The following ELAPOR2 variants were observed in gnomAD, a reference collection of about 807,000 sequenced individuals.
The protein encoded by ELAPOR2 is endosome-lysosome associated apoptosis and autophagy regulator family member 2.
In ELAPOR2, 89 loss-of-function variants were observed where a neutral mutation model predicts 120.7. The observed-to-expected ratio is 0.74, with a 90% CI of 0.62 to 0.88. The LOEUF is 0.88. Ranked by LOEUF, ELAPOR2 falls within the 40% of genes least tolerant of loss-of-function variation. The pLI is 0.00. For missense variants in ELAPOR2, 1,134 were observed against 1,251.6 expected (o/e 0.91, Z 1.42); for synonymous variants, 444 against 444.9 (o/e 1.00, Z 0.03).
At chr7:86,907,138 T>A in intron 18 of ELAPOR2, among the ~76,000 whole-genome samples, 1 of 152,138 alleles carries the variant, frequency 6.6e-6, no homozygotes, top group Non-Finnish European at 1.5e-5. Context: ...GCACATTATG[T>A]ATTTTATAAG....
chr7:86,942,825 C>G (rs1367480360), intron 4 of ELAPOR2, among the ~76,000 whole-genome samples: 1 of 151,984 alleles, frequency 6.6e-6, no homozygotes, highest in East Asian at 1.9e-4. Flanking sequence ...TGCAAAACAG[C>G]AACAGAGTAG....
chr7:86,892,017 T>C, intron 20 of ELAPOR2, 128 bp from the exon 21 acceptor site: 1 of 594,496 alleles, frequency 1.7e-6, no homozygotes, highest in Non-Finnish European at 2.9e-6. Context: ...ACCAACAAAT[T>C]TCCCTAGCCT....
chr7:87,003,690 C>T (rs1047500130), intron 1 of ELAPOR2, among the ~76,000 whole-genome samples: 19 of 152,192 alleles, frequency 1.2e-4, no homozygotes, highest in African/African-American at 4.3e-4. Flanking sequence ...TGAGAACGAG[C>T]TAATACAACT....
At chr7:86,905,180 GAA>G (rs1321893847) in intron 18 of ELAPOR2, among the ~76,000 whole-genome samples, 28 of 146,558 alleles carry the variant, frequency 1.9e-4, no homozygotes, top group East Asian at 1.8e-3. Flanking sequence ...AAGAAAGAGA[GAA>G]AGAGAGAGAG....
At chr7:87,002,325 G>C (rs754791793) in intron 1 of ELAPOR2, among the ~76,000 whole-genome samples, 1 of 152,170 alleles carries the variant, frequency 6.6e-6, no homozygotes, top group Non-Finnish European at 1.5e-5. Flanking sequence ...GTTGAGGAGA[G>C]CAAGGAGAAA....
intron 1 of ELAPOR2, among the ~76,000 whole-genome samples, chr7:87,026,959 T>C (rs143285930): frequency 2.0e-5 from 3 of 152,256 alleles, no homozygotes; most frequent in African/African-American, 7.2e-5. Flanking sequence ...TACACCTAGA[T>C]ATACAAATAT....
At chr7:87,032,340 CACTT>C (rs1019684750) in intron 1 of ELAPOR2, among the ~76,000 whole-genome samples, 13 of 152,094 alleles carry the variant, frequency 8.5e-5, no homozygotes, top group African/African-American at 1.7e-4. Flanking sequence ...ATCTGTAAAA[CACTT>C]ACAGCAATGC....
chr7:87,014,842 G>A (rs567380749), intron 1 of ELAPOR2, among the ~76,000 whole-genome samples: 81 of 152,134 alleles, frequency 5.3e-4, no homozygotes, highest in African/African-American at 1.8e-3. Context: ...TGCTATGGGA[G>A]GAAGTTTTTG....
rs140056819 is a variant in ELAPOR2 at position 87,028,444 on chromosome 7, G to A, written c.189+30881C>T. 9.2e-5 allele frequency among the ~76,000 whole-genome samples: 14 copies of A among 152,134 alleles called. No homozygotes were observed. The East Asian group carries it at 2.7e-3, about 29-fold the overall frequency. On this transcript the variant is annotated intron_variant, in intron 1 of 21. Coordinates refer to ENST00000450689, the MANE Select transcript of ELAPOR2 (RefSeq NM_001142749.3). ...ACTCTCCTGATGTGCCCTAGCACTTGGTCCTTGACTACTTCTTTTTAGCTA... is the reference window on the plus strand; with the variant it reads ...ACTCTCCTGATGTGCCCTAGCACTTAGTCCTTGACTACTTCTTTTTAGCTA...
intron 1 of ELAPOR2, among the ~76,000 whole-genome samples, 189 bp from the exon 2 acceptor site, chr7:86,965,213 G>A (rs572516189): frequency 6.6e-6 from 1 of 152,178 alleles, no homozygotes; most frequent in Non-Finnish European, 1.5e-5. Flanking sequence ...AGTAGGTGCT[G>A]AGGAGATGAT....
intron 1 of ELAPOR2, among the ~76,000 whole-genome samples, chr7:87,048,222 G>A (rs191105617): frequency 0.011 from 1,642 of 150,642 alleles, 16 homozygotes; most frequent in Admixed American, 0.017. Context: ...CCAGCCTGGC[G>A]ACAGAGTGAG....
chr7:86,994,406 A>G (rs1038117435), intron 1 of ELAPOR2, among the ~76,000 whole-genome samples: 3 of 152,212 alleles, frequency 2.0e-5, no homozygotes, highest in African/African-American at 7.2e-5. Flanking sequence ...AGTAATGTAT[A>G]AGATCATCAT....
At chr7:87,037,102 G>A (rs1794612781) in intron 1 of ELAPOR2, among the ~76,000 whole-genome samples, 2 of 151,816 alleles carry the variant, frequency 1.3e-5, no homozygotes, top group African/African-American at 4.8e-5. Flanking sequence ...TTCTCACTCT[G>A]CTTGCTTCTT....
chr7:87,011,052 G>A (rs1793641074), intron 1 of ELAPOR2, among the ~76,000 whole-genome samples: 1 of 151,944 alleles, frequency 6.6e-6, no homozygotes, highest in Non-Finnish European at 1.5e-5. Flanking sequence ...CGGGTCATGA[G>A]GTCAAGAGAT....
intron 17 of ELAPOR2, among the ~76,000 whole-genome samples, chr7:86,908,079 T>G (rs1457561627): frequency 6.6e-6 from 1 of 151,708 alleles, no homozygotes; most frequent in Non-Finnish European, 1.5e-5. Context: ...GCCAATGCTT[T>G]GATATATGAA....
At chr7:86,965,581 G>T (rs527460579) in intron 1 of ELAPOR2, among the ~76,000 whole-genome samples, 1 of 152,192 alleles carries the variant, frequency 6.6e-6, no homozygotes, top group African/African-American at 2.4e-5. Context: ...ATCAATTACG[G>T]ACTATTAAAA....
At chr7:87,027,456 T>TA (rs1444309902) in intron 1 of ELAPOR2, among the ~76,000 whole-genome samples, 2 of 152,134 alleles carry the variant, frequency 1.3e-5, no homozygotes, top group Non-Finnish European at 2.9e-5. Flanking sequence ...TATGGGAAAG[T>TA]AAAGTGTTAT....
intron 21 of ELAPOR2, among the ~76,000 whole-genome samples, chr7:86,882,507 C>T (rs1799460139): frequency 6.6e-6 from 1 of 152,086 alleles, no homozygotes; most frequent in Admixed American, 6.5e-5. Flanking sequence ...TAGCCCTGTC[C>T]TCTGCATTTG....
At position 86,887,478 on chromosome 7, in the gene ELAPOR2, G is replaced by C. The variant is rs146765490; in HGVS notation, c.3030+4246C>G. ...TGATGCCTCACCACTATTTACAACT[G>C]TTCAGGGTATGGTGTTGCTATTCCA... On this transcript the variant is annotated intron_variant, in intron 21 of 21. Coordinates refer to ENST00000450689, the MANE Select transcript of ELAPOR2 (RefSeq NM_001142749.3). Among the ~76,000 whole-genome samples, 369 of 152,166 alleles carry C rather than the reference G, an allele frequency of 2.4e-3. 5 individuals carry two copies. The highest frequency in any genetic ancestry group is 8.0e-3 in the African/African-American group (333 of 41,534).
Sources: gnomAD v4.1 joint callset for allele counts (sites outside exome capture counted in the v4.1 genomes callset) on GRCh38, gnomAD v4.1.1 for gene constraint, MANE v1.5 for transcripts, NCBI Gene and HGNC (gene_info 2026-07-23, HGNC 2026-07-21) for gene names.